Variants in DPP3 observed in about 807,000 individuals in gnomAD.
The protein encoded by DPP3 is DPP III.
DPP3 carries 64 observed loss-of-function variants against 89.8 expected under a neutral mutation model. The observed-to-expected ratio is 0.71, with a 90% CI of 0.58 to 0.88. The LOEUF is 0.88. Among genes scored for constraint, DPP3 ranks in the 40% least tolerant of loss-of-function variants. DPP3 has a pLI of 0.00. For missense variants in DPP3, 835 were observed against 972.5 expected (o/e 0.86, Z 1.88); for synonymous variants, 377 against 404.3 (o/e 0.93, Z 0.81).
intron 2 of DPP3, 34 bp downstream of exon 2, chr11:66,482,504 G>A (rs1408521546): frequency 1.9e-6 from 3 of 1,588,484 alleles, no homozygotes; most frequent in Admixed American, 1.7e-5. Flanking sequence ...CATTACCTGA[G>A]TGGCTTCTGG....
intron 16 of DPP3, 47 bp from the exon 17 acceptor site, chr11:66,504,565 C>A: frequency 6.4e-7 from 1 of 1,557,774 alleles, no homozygotes; most frequent in Non-Finnish European, 8.7e-7. Context: ...GCCCTGTGGA[C>A]ACCGGGTAAC....
At position 66,504,633 on chromosome 11, in the gene DPP3, G is replaced by A; in HGVS notation, c.1900G>A (p.Val634Met). The change falls in exon 17 of 18, where the codon GTG (valine) becomes ATG (methionine). Residue 634 changes from valine to methionine, a missense_variant. Physicochemically the swap from Val to Met is conservative, Grantham distance 21. Coordinates refer to ENST00000531863, the MANE Select transcript of DPP3 (RefSeq NM_130443.4). ...RLQVLKSTGD[V>M]AGGRALYEGY... The stretch of plus-strand genomic sequence containing the variant: ...ACAGGTGCTGAAGTCCACAGGGGAT[G>A]TGGCCGGAGGGCGGGCCCTGTACGA... 5.6e-6 allele frequency: 9 copies of A among 1,611,856 alleles called. No individual in the cohort carries two copies. Among genetic ancestry groups the A allele is most frequent in the African/African-American group, 1.3e-5 (1 of 74,868 alleles).
intron 2 of DPP3, among the ~76,000 whole-genome samples, chr11:66,484,850 C>T (rs929103575): frequency 2.0e-5 from 3 of 152,160 alleles, no homozygotes; most frequent in African/African-American, 7.2e-5. Flanking sequence ...GAGGGAGGTG[C>T]TGCTGGAACT....
At position 66,495,460 on chromosome 11, in the gene DPP3, C is replaced by T. The variant is rs1855508589; in HGVS notation, c.1548C>T (p.Leu516=). 1 of 1,611,856 alleles carries T rather than the reference C, an allele frequency of 6.2e-7. No homozygotes were observed. The highest frequency in any genetic ancestry group is 8.5e-7 in the Non-Finnish European group (1 of 1,179,002). ...AGTGCCGGGCTGAGAGCGTGGGTCT[C>T]TACCTCTGTCTCCACCCGCAAGTGC... The part of the protein sequence containing the change: ...YEECRAESVG[L]YLCLHPQVLE... The change falls in exon 14 of 18, where the codon CTC becomes CTT. Residue 516 remains leucine (L), a synonymous_variant. Transcript: ENST00000531863.
chr11:66,500,152 G>A (rs1855644045), intron 16 of DPP3, among the ~76,000 whole-genome samples: 1 of 151,644 alleles, frequency 6.6e-6, no homozygotes, highest in Admixed American at 6.6e-5. Context: ...TAAGGAGTTC[G>A]AGACCAGCCT....
chr11:66,494,735 A>G (rs1238201752), intron 12 of DPP3, among the ~76,000 whole-genome samples: 1 of 152,018 alleles, frequency 6.6e-6, no homozygotes, highest in Non-Finnish European at 1.5e-5. Flanking sequence ...CTGTCCTCGG[A>G]AGATGGTTGT....
chr11:66,506,614 C>G (rs1233945959), intron 17 of DPP3, among the ~76,000 whole-genome samples: 1 of 152,020 alleles, frequency 6.6e-6, no homozygotes. Context: ...CCAGAGGCTT[C>G]CTGGGATTTG....
intron 2 of DPP3, among the ~76,000 whole-genome samples, chr11:66,484,649 G>A (rs1407605051): frequency 1.3e-5 from 2 of 152,094 alleles, no homozygotes; most frequent in Non-Finnish European, 2.9e-5. Context: ...CTGGAGCTGG[G>A]GGAAGGGAGA....
At chr11:66,490,767 G>T (rs1336103378) in intron 6 of DPP3, among the ~76,000 whole-genome samples, 29 of 138,146 alleles carry the variant, frequency 2.1e-4, no homozygotes, top group East Asian at 1.3e-3. Flanking sequence ...TGTTTTTTTT[G>T]TTTTGTTTTT....
intron 11 of DPP3, 57 bp downstream of exon 11, chr11:66,493,236 G>A: frequency 6.8e-7 from 1 of 1,478,442 alleles, no homozygotes; most frequent in Non-Finnish European, 9.4e-7. Context: ...AGCAGACTCA[G>A]GAAGAGAGAC....
chr11:66,487,858 C>T (rs1855273557), intron 5 of DPP3, 56 bp from the exon 6 acceptor site: 3 of 1,543,320 alleles, frequency 1.9e-6, no homozygotes, highest in South Asian at 1.1e-5. Context: ...TTCCTTCCTC[C>T]CACCCCACTG....
At position 66,503,996 on chromosome 11, in the gene DPP3, CAAGATGAT is replaced by C. The variant is rs1376756469; in HGVS notation, c.1879-614_1879-607del. The stretch of plus-strand genomic sequence containing the variant: ...GTGAAGGCTGCTCTTCTCTTCCATC[CAAGATGAT>C]ACCTTGTTGAAGATACCTTATTTGT... On this transcript the variant is annotated intron_variant, in intron 16 of 17. Transcript: ENST00000531863. 8.5e-5 allele frequency among the ~76,000 whole-genome samples: 13 copies of C among 152,158 alleles called. 2 individuals are homozygous for C. The highest frequency in any genetic ancestry group is 7.9e-4 in the Admixed American group (12 of 15,266).
chr11:66,480,767 C>T (rs1855054244), intron 1 of DPP3: 1 of 326,992 alleles, frequency 3.1e-6, no homozygotes. Flanking sequence ...GGGGAATCCC[C>T]GGGTTCCAAC....
At chr11:66,496,159 A>C (rs1476551685) in intron 15 of DPP3, among the ~76,000 whole-genome samples, 1 of 152,248 alleles carries the variant, frequency 6.6e-6, no homozygotes, top group Non-Finnish European at 1.5e-5. Flanking sequence ...CAGGATTCGC[A>C]TCCATACAGT....
chr11:66,501,825 C>CAA (rs35196491), intron 16 of DPP3, among the ~76,000 whole-genome samples: 5 of 84,412 alleles, frequency 5.9e-5, no homozygotes, highest in East Asian at 3.1e-4. Context: ...ACTTTGTCTC[C>CAA]AAAAAAAAAA....
At chr11:66,484,881 G>A (rs1296014733) in intron 2 of DPP3, among the ~76,000 whole-genome samples, 1 of 152,212 alleles carries the variant, frequency 6.6e-6, no homozygotes, top group Non-Finnish European at 1.5e-5. Flanking sequence ...GGACACAGTA[G>A]CTTCAGGTGG....
intron 16 of DPP3, among the ~76,000 whole-genome samples, chr11:66,498,771 C>T (rs1855606504): frequency 6.6e-6 from 1 of 152,112 alleles, no homozygotes; most frequent in South Asian, 2.1e-4. Flanking sequence ...CCTGTAATCC[C>T]AGAACTTTGG....
chr11:66,481,379 A>G (rs945363693), intron 1 of DPP3, among the ~76,000 whole-genome samples: 1 of 152,144 alleles, frequency 6.6e-6, no homozygotes, highest in African/African-American at 2.4e-5. Context: ...AGTCCCAACT[A>G]CTTTGGAGGC....
rs768114473 is a variant in DPP3, at chr11:66,495,409, C to T, written c.1497C>T (p.Phe499=). ...YRSGETWDSK[F]STIASSYEEC... ...GCGGGGAGACCTGGGATAGCAAGTT[C>T]AGCACCATCGCCTCCAGCTACGAAG... is the stretch of plus-strand genomic sequence containing the variant. The change falls in exon 14 of 18, where the codon TTC becomes TTT. Residue 499 remains phenylalanine, a synonymous_variant. Transcript: ENST00000531863. The T allele has an allele frequency of 3.1e-6, 5 of 1,613,170 alleles. No individual in the cohort carries two copies. The highest frequency in any genetic ancestry group is 1.7e-4 in the Middle Eastern group (1 of 6,022).
Sources: allele counts gnomAD v4.1 joint callset (sites outside exome capture counted in the v4.1 genomes callset), GRCh38; gene constraint gnomAD v4.1.1; transcripts MANE v1.5; gene names NCBI Gene and HGNC (gene_info 2026-07-23, HGNC 2026-07-21).